Variants in SNX29 observed in about 807,000 individuals in gnomAD.
SNX29 encodes the protein sorting nexin 29.
In SNX29, 78 loss-of-function variants were observed where a neutral mutation model predicts 102.1. The observed-to-expected ratio is 0.76, with a 90% confidence interval of 0.64 to 0.92. The LOEUF (loss-of-function observed/expected upper bound fraction) is 0.92, where lower values mean the gene tolerates loss of function less well. Ranked by LOEUF, SNX29 falls within the 40% of genes least tolerant of loss-of-function variation. SNX29 has a pLI of 0.00. For missense variants in SNX29, 1,280 were observed against 1,061.7 expected (o/e 1.21, Z -2.86); for synonymous variants, 580 against 414.5 (o/e 1.40, Z -4.85).
In SNX29 at chr16:12,531,550, G is replaced by C. The variant is rs145965786; in HGVS notation, c.2318+6709G>C. ...CACCATCTGCCCCGTGGTCCTCATGGCAAGGGGGCAGCAGCGGCATTGCCA... is the reference window on the plus strand; with the variant it reads ...CACCATCTGCCCCGTGGTCCTCATGCCAAGGGGGCAGCAGCGGCATTGCCA... On this transcript the variant is annotated intron_variant, in intron 20 of 20. Coordinates refer to ENST00000566228, the MANE Select transcript of SNX29 (RefSeq NM_032167.5). 1.8e-3 allele frequency among the ~76,000 whole-genome samples: 275 copies of C among 152,172 alleles called. 1 individual carries two copies. The highest frequency in any genetic ancestry group is 5.9e-3 in the African/African-American group (247 of 41,520).
At chr16:12,512,660 C>T (rs762817257) in intron 19 of SNX29, among the ~76,000 whole-genome samples, 3 of 151,944 alleles carry the variant, frequency 2.0e-5, no homozygotes, top group Non-Finnish European at 4.4e-5. Flanking sequence ...TGGATTCTCT[C>T]TACCATGGGT....
chr16:12,208,394 C>T (rs910697234), intron 14 of SNX29, among the ~76,000 whole-genome samples: 1 of 140,688 alleles, frequency 7.1e-6, no homozygotes, highest in African/African-American at 2.7e-5. Context: ...AAACAGCTTA[C>T]TTTGGGGTTT....
At chr16:12,208,189 C>A (rs575436521) in intron 14 of SNX29, among the ~76,000 whole-genome samples, 1 of 152,312 alleles carries the variant, frequency 6.6e-6, no homozygotes, top group South Asian at 2.1e-4. Flanking sequence ...GAGGGCTAGT[C>A]ATACAGGCCC....
chr16:12,206,449 T>C (rs189883224), intron 14 of SNX29, among the ~76,000 whole-genome samples: 131 of 149,024 alleles, frequency 8.8e-4, no homozygotes, highest in African/African-American at 2.8e-3. Context: ...TTGTAAATCC[T>C]CCTTCTATGT....
chr16:12,138,276 C>T (rs573093511), intron 13 of SNX29, among the ~76,000 whole-genome samples: 43 of 146,736 alleles, frequency 2.9e-4, no homozygotes, highest in Non-Finnish European at 5.2e-4. Context: ...GGTGCGATCT[C>T]GGCTCACTGC....
rs1190594452 is a variant in SNX29, at chr16:12,096,452, T to G, written c.1402+17537T>G. Among the ~76,000 whole-genome samples the G allele has an allele frequency of 6.6e-6, 1 of 152,242 alleles. No individual in the cohort carries two copies. The highest frequency in any genetic ancestry group is 1.5e-5 in the Non-Finnish European group (1 of 68,030). The stretch of plus-strand genomic sequence containing the variant: ...TGTTAAAATTTCCCCATCATTATAA[T>G]GCAGATTTAAGAGTGCCAGCACCAT... On this transcript the variant is annotated intron_variant, in intron 11 of 20. Transcript: ENST00000566228. The surrounding 1 kb of genome is among the most constrained non-coding windows in gnomAD (Gnocchi z 4.2).
At chr16:12,048,958 G>A (rs1288416281) in intron 7 of SNX29, among the ~76,000 whole-genome samples, 1 of 152,186 alleles carries the variant, frequency 6.6e-6, no homozygotes, top group African/African-American at 2.4e-5. Flanking sequence ...GCGGTGAGCC[G>A]AATAGGAAAG....
chr16:12,433,515 C>T (rs1354139240), intron 18 of SNX29, among the ~76,000 whole-genome samples: 2 of 151,474 alleles, frequency 1.3e-5, no homozygotes, highest in Non-Finnish European at 2.9e-5. Context: ...CCTGTAGTCC[C>T]AGCTACTAAA....
chr16:12,370,522 T>C (rs1408189549), intron 16 of SNX29, among the ~76,000 whole-genome samples: 1 of 152,168 alleles, frequency 6.6e-6, no homozygotes, highest in Admixed American at 6.5e-5. Context: ...ATTGTGCCAT[T>C]ATACTTCAGC....
At chr16:12,489,161 G>C (rs1460279778) in intron 19 of SNX29, among the ~76,000 whole-genome samples, 2 of 152,076 alleles carry the variant, frequency 1.3e-5, no homozygotes, top group African/African-American at 4.8e-5. Context: ...TGAGTAGTTG[G>C]AGAATAATTG....
intron 16 of SNX29, among the ~76,000 whole-genome samples, chr16:12,388,865 A>T (rs751404620): frequency 1.8e-4 from 27 of 152,214 alleles, no homozygotes; most frequent in Non-Finnish European, 3.8e-4. Context: ...TTCTATTTGC[A>T]AGAGGACATT....
At chr16:12,218,923 T>C (rs1037045980) in intron 14 of SNX29, among the ~76,000 whole-genome samples, 2 of 152,144 alleles carry the variant, frequency 1.3e-5, no homozygotes, top group African/African-American at 2.4e-5. Flanking sequence ...TAAAGGCACC[T>C]GCCACCAGTC....
intron 1 of SNX29, among the ~76,000 whole-genome samples, chr16:11,990,017 T>C (rs1170699712): frequency 1.3e-5 from 2 of 152,154 alleles, no homozygotes; most frequent in Non-Finnish European, 2.9e-5. Context: ...AAATGTCAGG[T>C]CTGTCACCTC....
rs796544897 is a variant in SNX29, at chr16:12,530,961, TAA to T, written c.2318+6121_2318+6122del. On this transcript the variant is annotated intron_variant, in intron 20 of 20. Transcript: ENST00000566228. ...TTCACCCTTGCTCTACTTGAACAGT[TAA>T]GAGGTTTCCAGATTTTTCTCCCCCA... Among the ~76,000 whole-genome samples the T allele has an allele frequency of 4.9e-4, 74 of 152,346 alleles. 1 individual carries two copies. The highest frequency in any genetic ancestry group is 1.7e-3 in the African/African-American group (70 of 41,574).
rs146992502 is a variant in SNX29 at position 12,079,431 on chromosome 16, G to A, written c.1402+516G>A. ...CCAACTGTTATGTAAACTGACGGGT[G>A]CTCCTGGTATCTCACTGGTGGCTTG... On this transcript the variant is annotated intron_variant, in intron 11 of 20. Transcript: ENST00000566228. Among the ~76,000 whole-genome samples, 16 of 152,258 alleles carry A rather than the reference G, an allele frequency of 1.1e-4. No homozygotes were observed. In the East Asian group the frequency reaches 1.9e-3, roughly 18 times the overall value.
intron 19 of SNX29, among the ~76,000 whole-genome samples, chr16:12,502,503 C>A (rs548429058): frequency 6.6e-6 from 1 of 152,072 alleles, no homozygotes; most frequent in Non-Finnish European, 1.5e-5. Flanking sequence ...AATGCCACCC[C>A]CCAACTCTGA....
intron 7 of SNX29, among the ~76,000 whole-genome samples, chr16:12,050,577 T>A (rs2050259038): frequency 6.6e-6 from 1 of 152,146 alleles, no homozygotes. Context: ...GCTCGGGTTC[T>A]ACTCATAGCC....
At chr16:12,482,507 C>A (rs139809767) in intron 19 of SNX29, among the ~76,000 whole-genome samples, 1 of 151,960 alleles carries the variant, frequency 6.6e-6, no homozygotes, top group Non-Finnish European at 1.5e-5. Context: ...TCACCATGTT[C>A]GCCAGGCTGG....
chr16:12,184,167 T>C (rs1441878420), intron 13 of SNX29, among the ~76,000 whole-genome samples: 1 of 152,236 alleles, frequency 6.6e-6, no homozygotes, highest in Admixed American at 6.5e-5. Context: ...ACTCCTTTTC[T>C]GTAATAGTAT....
Sources: allele counts gnomAD v4.1 joint callset (sites outside exome capture counted in the v4.1 genomes callset), GRCh38; gene constraint gnomAD v4.1.1; non-coding constraint Gnocchi (gnomAD v3.1); transcripts MANE v1.5; gene names NCBI Gene and HGNC (gene_info 2026-07-23, HGNC 2026-07-21).